Variants in ZFHX3 observed in about 807,000 individuals in gnomAD.
ZFHX3 encodes zinc finger homeobox 3.
Under a neutral mutation model 279.1 loss-of-function variants are expected in ZFHX3, and 42 were observed. The observed-to-expected ratio is 0.15, with a 90% CI of 0.12 to 0.19. ZFHX3 has a LOEUF of 0.19. Among genes scored for constraint, ZFHX3 ranks in the 10% least tolerant of loss-of-function variants. ZFHX3 has a pLI of 1.00. For synonymous variants in ZFHX3, 2,293 were observed against 1,957.8 expected (o/e 1.17, Z -4.52); for missense variants, 4,981 against 4,754.0 (o/e 1.05, Z -1.40).
At chr16:73,253,295 G>T (rs1394870147) in intron 5 of ZFHX3, among the ~76,000 whole-genome samples, 1 of 152,130 alleles carries the variant, frequency 6.6e-6, no homozygotes, top group African/African-American at 2.4e-5. Flanking sequence ...AAGAGTGTGG[G>T]TGTAATGAAA....
chr16:73,264,843 T>C (rs1015179425), intron 4 of ZFHX3, among the ~76,000 whole-genome samples: 6 of 152,136 alleles, frequency 3.9e-5, no homozygotes, highest in Admixed American at 2.6e-4. Context: ...GGTTTTCCAT[T>C]CTTGAGTTAC....
chr16:72,966,073 C>T (rs556055078), intron 1 of ZFHX3, among the ~76,000 whole-genome samples: 2 of 152,198 alleles, frequency 1.3e-5, no homozygotes, highest in East Asian at 3.9e-4. Context: ...ACTAATGATG[C>T]CATTATTTTA....
intron 3 of ZFHX3, among the ~76,000 whole-genome samples, chr16:72,942,317 G>A (rs1009283768): frequency 7.9e-5 from 12 of 152,136 alleles, no homozygotes; most frequent in African/African-American, 2.4e-4. Context: ...CAGAAGCAAC[G>A]GAATATTTGC....
rs373814861 is a variant in ZFHX3, at chr16:73,458,469, G to A, written c.-1546-2211C>T. ...TGGCTCACTGCAACCTCCGCCTCCCGGGTTCAAGCAAATCTCATGCCTCAG... is the reference window on the plus strand; with the variant it reads ...TGGCTCACTGCAACCTCCGCCTCCCAGGTTCAAGCAAATCTCATGCCTCAG... On this transcript the variant is annotated intron_variant, in intron 2 of 17. Transcript: ENST00000641206. 4.2e-4 allele frequency among the ~76,000 whole-genome samples: 63 copies of A among 150,974 alleles called. 1 individual carries two copies. Among genetic ancestry groups the A allele is most frequent in the African/African-American group, 1.4e-3 (57 of 41,188 alleles).
chr16:73,777,646 T>A (rs754097256), intron 1 of ZFHX3, among the ~76,000 whole-genome samples: 3 of 152,066 alleles, frequency 2.0e-5, no homozygotes, highest in Non-Finnish European at 4.4e-5. Context: ...TCCAACTGTA[T>A]CAATGATAAC....
chr16:72,987,664 C>T (rs1005471791), intron 1 of ZFHX3, among the ~76,000 whole-genome samples: 2 of 152,160 alleles, frequency 1.3e-5, no homozygotes, highest in Non-Finnish European at 2.9e-5. Context: ...ACACTGGAGC[C>T]AGTTTTATGT....
intron 8 of ZFHX3, among the ~76,000 whole-genome samples, chr16:73,082,854 C>T (rs1368391506): frequency 6.6e-6 from 1 of 151,896 alleles, no homozygotes; most frequent in African/African-American, 2.4e-5. Flanking sequence ...GTAGTAATGG[C>T]CAAAGAGACA....
At chr16:73,851,363 C>T (rs1443895744) in intron 1 of ZFHX3, among the ~76,000 whole-genome samples, 8 of 152,162 alleles carry the variant, frequency 5.3e-5, no homozygotes, top group Admixed American at 5.2e-4. Context: ...AACAACTGTC[C>T]TCTCCTGAGG....
At chr16:73,621,423 T>C (rs1332240569) in intron 2 of ZFHX3, among the ~76,000 whole-genome samples, 2 of 152,280 alleles carry the variant, frequency 1.3e-5, no homozygotes, top group South Asian at 2.1e-4. Context: ...CCTGGCAAAA[T>C]AGAGGTTTAA....
intron 4 of ZFHX3, among the ~76,000 whole-genome samples, chr16:72,835,880 T>G (rs968571784): frequency 6.6e-6 from 1 of 152,200 alleles, no homozygotes; most frequent in African/African-American, 2.4e-5. Context: ...GGCATTTTGT[T>G]ATCAATGGGA....
chr16:72,897,631 G>T (rs1032990122), intron 3 of ZFHX3, among the ~76,000 whole-genome samples: 1 of 152,072 alleles, frequency 6.6e-6, no homozygotes, highest in Non-Finnish European at 1.5e-5. Flanking sequence ...TGTAGAGACA[G>T]AGTCTGACCA....
At chr16:72,848,938 G>C (rs2037545140) in intron 4 of ZFHX3, among the ~76,000 whole-genome samples, 1 of 152,052 alleles carries the variant, frequency 6.6e-6, no homozygotes, top group Admixed American at 6.6e-5. Context: ...CGGGCTGCCA[G>C]GTTATGCTTG....
chr16:73,026,673 CAAAAAA>C lies in ZFHX3; in HGVS notation c.-50+21073_-50+21078del, dbSNP rs10561679. On this transcript the variant is annotated intron_variant, in intron 1 of 9. Coordinates refer to ENST00000268489, the MANE Select transcript of ZFHX3 (RefSeq NM_006885.4). ...CCCGGCAACAAGAGCAAAACTGCCT[CAAAAAA>C]AAAAAAAAAAAAAAAACACATAGTA... Among the ~76,000 whole-genome samples, 18 of 79,590 alleles carry C rather than the reference CAAAAAA, an allele frequency of 2.3e-4. No individual in the cohort carries two copies. In the South Asian group the frequency reaches 3.2e-3, roughly 14 times the overall value. The allele number at this position is 79,590 out of a possible 152,430, so 52.2% of individuals were successfully genotyped here. A position where few individuals can be genotyped will look rare whatever the true frequency, so the allele number is the denominator to read the frequency against.
chr16:73,699,683 T>C (rs1597072313), intron 1 of ZFHX3, among the ~76,000 whole-genome samples: 2 of 152,312 alleles, frequency 1.3e-5, no homozygotes, highest in East Asian at 3.9e-4. Flanking sequence ...CTGACACTGT[T>C]ATTATTCCTA....
intron 4 of ZFHX3, among the ~76,000 whole-genome samples, chr16:73,296,777 T>C (rs1171672782): frequency 6.6e-6 from 1 of 151,120 alleles, no homozygotes; most frequent in Non-Finnish European, 1.5e-5. Flanking sequence ...GAATAAACAA[T>C]AACAAAGTGA....
At chr16:73,804,592 T>C (rs569696149) in intron 1 of ZFHX3, among the ~76,000 whole-genome samples, 3 of 152,244 alleles carry the variant, frequency 2.0e-5, no homozygotes, top group African/African-American at 7.2e-5. Context: ...ATCTGGAAAC[T>C]CATTTGATAT....
At chr16:73,527,521 C>T (rs559892104) in intron 2 of ZFHX3, among the ~76,000 whole-genome samples, 185 of 152,224 alleles carry the variant, frequency 1.2e-3, no homozygotes, top group African/African-American at 3.5e-3. Context: ...GGTACTTGGG[C>T]GCTTATGTCA....
chr16:73,500,782 T>C (rs1434931797), intron 2 of ZFHX3, among the ~76,000 whole-genome samples: 1 of 151,248 alleles, frequency 6.6e-6, no homozygotes, highest in Non-Finnish European at 1.5e-5. Flanking sequence ...AGCTGTGTTA[T>C]TCCAAATTTT....
intron 4 of ZFHX3, among the ~76,000 whole-genome samples, chr16:72,854,905 T>C (rs1276039948): frequency 1.1e-5 from 1 of 92,964 alleles, no homozygotes; most frequent in Non-Finnish European, 1.9e-5. Flanking sequence ...AAAATCAACC[T>C]AGGAAATAGA....
Sources: allele counts gnomAD v4.1 joint callset (sites outside exome capture counted in the v4.1 genomes callset), GRCh38; gene constraint gnomAD v4.1.1; transcripts MANE v1.5; gene names NCBI Gene and HGNC (gene_info 2026-07-23, HGNC 2026-07-21).